The following SLC25A21 variants were observed in gnomAD, a reference collection of about 807,000 sequenced individuals.
SLC25A21 encodes the protein solute carrier family 25 member 21.
Under a neutral mutation model 43.8 loss-of-function variants are expected in SLC25A21, and 47 were observed. That is an observed-to-expected ratio of 1.07 (90% CI 0.85 to 1.37). The LOEUF (loss-of-function observed/expected upper bound fraction) is 1.37. Among genes scored for constraint, SLC25A21 ranks in the 40% most tolerant of loss-of-function variants. SLC25A21 has a pLI of 0.00. For missense variants in SLC25A21, 352 were observed against 350.2 expected (o/e 1.00, Z -0.04); for synonymous variants, 131 against 121.3 (o/e 1.08, Z -0.52).
chr14:36,938,607 CCAAT>C (rs946523020), intron 1 of SLC25A21, among the ~76,000 whole-genome samples: 3 of 151,914 alleles, frequency 2.0e-5, no homozygotes, highest in Non-Finnish European at 4.4e-5. Context: ...TAAATGATTG[CCAAT>C]CAATCAGCTG....
At chr14:36,903,314 C>T (rs75914540) in intron 1 of SLC25A21, among the ~76,000 whole-genome samples, 7,952 of 152,100 alleles carry the variant, frequency 0.052, 418 homozygotes, top group African/African-American at 0.13. Context: ...CAGAAAATGG[C>T]CCACAGATGT....
chr14:36,710,166 C>T (rs1883776008), intron 7 of SLC25A21, among the ~76,000 whole-genome samples: 1 of 151,946 alleles, frequency 6.6e-6, no homozygotes, highest in Non-Finnish European at 1.5e-5. Context: ...GGGTGGGTTG[C>T]CTGAGGTCAG....
intron 1 of SLC25A21, among the ~76,000 whole-genome samples, chr14:36,975,646 G>C (rs1004142484): frequency 6.6e-6 from 1 of 152,186 alleles, no homozygotes; most frequent in East Asian, 1.9e-4. Flanking sequence ...CTAGAAAAAG[G>C]TTGGTGGTTC....
chr14:36,957,974 C>T (rs1398899472), intron 1 of SLC25A21, among the ~76,000 whole-genome samples: 4 of 152,134 alleles, frequency 2.6e-5, no homozygotes, highest in Admixed American at 1.3e-4. Context: ...TAAAATATAG[C>T]GATTAACTTG....
chr14:36,936,855 A>G (rs1250673905), intron 1 of SLC25A21, among the ~76,000 whole-genome samples: 1 of 152,152 alleles, frequency 6.6e-6, no homozygotes, highest in African/African-American at 2.4e-5. Context: ...AACATGGTAA[A>G]TCCCCACACA....
At chr14:36,739,570 C>T (rs1373592479) in intron 3 of SLC25A21, among the ~76,000 whole-genome samples, 1 of 151,586 alleles carries the variant, frequency 6.6e-6, no homozygotes, top group Non-Finnish European at 1.5e-5. Flanking sequence ...CCCAGCTACT[C>T]GGGAGGCTGA....
chr14:36,983,735 T>G (rs992691898), intron 1 of SLC25A21, among the ~76,000 whole-genome samples: 4 of 152,132 alleles, frequency 2.6e-5, no homozygotes, highest in Admixed American at 6.5e-5. Context: ...GGAATCAACC[T>G]GTGTCCATGA....
At position 37,132,735 on chromosome 14, in the gene SLC25A21, A is replaced by AT. The variant is rs57111450; in HGVS notation, c.70+39545dup. Reference sequence around the variant, plus strand: ...CCTTTCTGGCTTCTCTCATAGCTATATTTTTTTTTTTTAAGACAGGGTCTC... The same window carrying AT: ...CCTTTCTGGCTTCTCTCATAGCTATATTTTTTTTTTTTTAAGACAGGGTCTC... On this transcript the variant is annotated intron_variant, in intron 1 of 9. Coordinates refer to ENST00000331299, the MANE Select transcript of SLC25A21 (RefSeq NM_030631.4). 1.3e-3 allele frequency among the ~76,000 whole-genome samples: 175 copies of AT among 131,650 alleles called. 1 individual carries two copies. The highest frequency in any genetic ancestry group is 9.1e-3 in the East Asian group (43 of 4,732). The allele number at this position is 131,650 out of a possible 152,430, so 86.4% of individuals were successfully genotyped here. A position where few individuals can be genotyped will look rare whatever the true frequency, so the allele number is the denominator to read the frequency against.
chr14:36,966,496 A>G (rs893545596), intron 1 of SLC25A21, among the ~76,000 whole-genome samples: 1 of 152,292 alleles, frequency 6.6e-6, no homozygotes, highest in East Asian at 1.9e-4. Context: ...CCTGATCTAA[A>G]GTCCCATTTG....
At chr14:37,003,868 G>A (rs1960541445) in intron 1 of SLC25A21, among the ~76,000 whole-genome samples, 1 of 152,118 alleles carries the variant, frequency 6.6e-6, no homozygotes, top group Non-Finnish European at 1.5e-5. Flanking sequence ...ACTGAAGATA[G>A]GTACTTTCTT....
intron 3 of SLC25A21, among the ~76,000 whole-genome samples, chr14:36,801,179 A>C (rs1346578890): frequency 6.6e-6 from 1 of 152,084 alleles, no homozygotes; most frequent in Non-Finnish European, 1.5e-5. Context: ...CCTCAGCCTC[A>C]AGGGGCTACT....
chr14:36,949,452 T>C (rs1304382544), intron 1 of SLC25A21, among the ~76,000 whole-genome samples: 1 of 152,198 alleles, frequency 6.6e-6, no homozygotes, highest in African/African-American at 2.4e-5. Flanking sequence ...AAAATAAACT[T>C]TAAACTTGTC....
At chr14:36,924,904 T>C (rs1024998573) in intron 1 of SLC25A21, among the ~76,000 whole-genome samples, 4 of 152,100 alleles carry the variant, frequency 2.6e-5, no homozygotes, top group African/African-American at 9.7e-5. Context: ...GACTTGAGCA[T>C]CTGCAGACTT....
intron 2 of SLC25A21, among the ~76,000 whole-genome samples, chr14:36,826,006 C>A (rs1189841760): frequency 6.6e-6 from 1 of 152,136 alleles, no homozygotes; most frequent in African/African-American, 2.4e-5. Flanking sequence ...AAAAAGTGTT[C>A]TCAAATAGTG....
At chr14:36,813,619 C>T (rs950415098) in intron 3 of SLC25A21, among the ~76,000 whole-genome samples, 21 of 152,068 alleles carry the variant, frequency 1.4e-4, no homozygotes, top group African/African-American at 4.6e-4. Flanking sequence ...TATTACAGTA[C>T]CAAAATAAAG....
chr14:36,760,656 G>A (rs1886120007), intron 3 of SLC25A21, among the ~76,000 whole-genome samples: 1 of 152,166 alleles, frequency 6.6e-6, no homozygotes, highest in South Asian at 2.1e-4. Context: ...AGATATAGGA[G>A]AGCAAAATGC....
At chr14:37,074,454 C>T (rs1434019164) in intron 1 of SLC25A21, among the ~76,000 whole-genome samples, 1 of 152,176 alleles carries the variant, frequency 6.6e-6, no homozygotes, top group African/African-American at 2.4e-5. Flanking sequence ...TCCCAGAAGG[C>T]TGAATTCTAA....
At chr14:37,024,632 T>C (rs1453688449) in intron 1 of SLC25A21, among the ~76,000 whole-genome samples, 1 of 151,932 alleles carries the variant, frequency 6.6e-6, no homozygotes, top group East Asian at 1.9e-4. Context: ...CAGAAGATAA[T>C]ATTGCTTTAA....
chr14:36,714,899 G>A (rs1363691065), intron 6 of SLC25A21, among the ~76,000 whole-genome samples: 1 of 152,160 alleles, frequency 6.6e-6, no homozygotes, highest in Non-Finnish European at 1.5e-5. Flanking sequence ...CACTCTTGGT[G>A]GTTCTGCCAT....
Sources: gnomAD v4.1 joint callset for allele counts (sites outside exome capture counted in the v4.1 genomes callset) on GRCh38, gnomAD v4.1.1 for gene constraint, MANE v1.5 for transcripts, NCBI Gene and HGNC (gene_info 2026-07-23, HGNC 2026-07-21) for gene names.